The following PCDHGB6 variants were observed in gnomAD, a reference collection of about 807,000 sequenced individuals.
PCDHGB6 encodes protocadherin gamma-B6.
A neutral mutation model predicts 59.1 loss-of-function variants in PCDHGB6; 51 were observed. The ratio of observed to expected loss-of-function variants is 0.86; its 90% CI spans 0.69 to 1.09. PCDHGB6 has a LOEUF of 1.09. Among genes scored for constraint, PCDHGB6 ranks in the 50% least tolerant of loss-of-function variants. PCDHGB6 has a pLI of 0.00. For missense variants in PCDHGB6, 1,148 were observed against 1,205.1 expected, an observed-to-expected ratio of 0.95 and a Z score of 0.70; for synonymous variants, 466 against 495.1, an observed-to-expected ratio of 0.94 and a Z score of 0.78.
In PCDHGB6 at chr5:141,477,053, G is replaced by A; in HGVS notation, c.2419-17754G>A. On this transcript the variant is annotated intron_variant, in intron 1 of 3. Transcript: ENST00000520790. This position sits in a 1 kb window ranked among gnomAD's most constrained non-coding sequence, Gnocchi z 4.9. ...GACAATCAAGGGTCGGCTGGACTTC[G>A]AGGACACCAAACTCCATGAGATTTA... The A allele has an allele frequency of 1.9e-6, 3 of 1,614,230 alleles. No homozygotes were observed. The highest frequency in any genetic ancestry group is 2.5e-6 in the Non-Finnish European group (3 of 1,180,032).
Position 141,487,544 on chromosome 5 carries a change from C to A in PCDHGB6, c.2419-7263C>A. 1 of 1,614,190 alleles carries A rather than the reference C, an allele frequency of 6.2e-7. No homozygotes were observed. The highest frequency in any genetic ancestry group is 1.1e-5 in the South Asian group (1 of 91,088). On this transcript the variant is annotated intron_variant, in intron 1 of 3. Transcript: ENST00000520790. This position sits in a 1 kb window ranked among gnomAD's most constrained non-coding sequence, Gnocchi z 5.0. ...TGATAGCTTCATGATGGTGAAGTCA[C>A]CCAGTGCACCTATGGCAGGGGAGCC... is the stretch of plus-strand genomic sequence containing the variant.
chr5:141,490,736 A>G lies in PCDHGB6; in HGVS notation c.2419-4071A>G, dbSNP rs747567176. The G allele has an allele frequency of 5.0e-6, 8 of 1,614,084 alleles. No individual in the cohort carries two copies. Among genetic ancestry groups the G allele is most frequent in the Non-Finnish European group, 6.8e-6 (8 of 1,180,034 alleles). On this transcript the variant is annotated intron_variant, in intron 1 of 3. Transcript: ENST00000520790. This position sits in a 1 kb window ranked among gnomAD's most constrained non-coding sequence, Gnocchi z 5.4. The stretch of plus-strand genomic sequence containing the variant: ...TACTCCATTGTAGGAAATCAGGTTC[A>G]GGGAGCCCCAGCCTCCTCCTTTGTG...
Position 141,477,704 on chromosome 5 carries a change from C to T in PCDHGB6, c.2419-17103C>T, listed in dbSNP as rs772195653. 30 of 1,613,968 alleles carry T rather than the reference C, an allele frequency of 1.9e-5. No homozygotes were observed. Among genetic ancestry groups the T allele is most frequent in the Admixed American group, 6.7e-5 (4 of 60,026 alleles). On this transcript the variant is annotated intron_variant, in intron 1 of 3. Transcript: ENST00000520790. This position sits in a 1 kb window ranked among gnomAD's most constrained non-coding sequence, Gnocchi z 4.9. Reference sequence around the variant, plus strand: ...CTTAGTGCCCCTAGACTATGAGGATCGGCGGGAATTTGAATTAACAGCTCA... The same window carrying T: ...CTTAGTGCCCCTAGACTATGAGGATTGGCGGGAATTTGAATTAACAGCTCA...
chr5:141,509,864 A>G (rs2099878667), intron 3 of PCDHGB6, among the ~76,000 whole-genome samples: 1 of 152,262 alleles, frequency 6.6e-6, no homozygotes, highest in East Asian at 1.9e-4. Context: ...GATAAGGTCC[A>G]AGCTGCTGGT....
intron 1 of PCDHGB6, among the ~76,000 whole-genome samples, chr5:141,474,412 C>A (rs1282336092): frequency 6.6e-6 from 1 of 152,220 alleles, no homozygotes; most frequent in Non-Finnish European, 1.5e-5. Flanking sequence ...CCGGTGATGC[C>A]TAGACCATTG....
intron 1 of PCDHGB6, chr5:141,414,961 G>T: frequency 6.2e-7 from 1 of 1,614,028 alleles, no homozygotes; most frequent in South Asian, 1.1e-5. Flanking sequence ...GACCAAGGTG[G>T]TGGCGGTGGA....
At chr5:141,426,756 G>C in intron 1 of PCDHGB6, 1 of 456,302 alleles carries the variant, frequency 2.2e-6, no homozygotes, top group Non-Finnish European at 4.4e-6. Context: ...ATCTGCTATA[G>C]ATGCAGATGT....
In PCDHGB6 at chr5:141,476,883, A is replaced by G. The variant is rs1266909654; in HGVS notation, c.2419-17924A>G. ...TTGTACCGGGCGCGCGTCCTGGAGG[A>G]TGCACCCTCCGGCACGCGCGTGGTA... On this transcript the variant is annotated intron_variant, in intron 1 of 3. Coordinates refer to ENST00000520790, the MANE Select transcript of PCDHGB6 (RefSeq NM_018926.3). This position sits in a 1 kb window ranked among gnomAD's most constrained non-coding sequence, Gnocchi z 7.6. 1 of 1,613,916 alleles carries G rather than the reference A, an allele frequency of 6.2e-7. No individual in the cohort carries two copies. The highest frequency in any genetic ancestry group is 8.5e-7 in the Non-Finnish European group (1 of 1,180,026).
rs1472806327 is a variant in PCDHGB6 at position 141,447,891 on chromosome 5, G to C, written c.2418+37271G>C. Among the ~76,000 whole-genome samples the C allele has an allele frequency of 1.3e-5, 2 of 152,080 alleles. 1 individual carries two copies. Among genetic ancestry groups the C allele is most frequent in the African/African-American group, 4.8e-5 (2 of 41,408 alleles). On this transcript the variant is annotated intron_variant, in intron 1 of 3. Coordinates refer to ENST00000520790, the MANE Select transcript of PCDHGB6 (RefSeq NM_018926.3). Reference sequence around the variant, plus strand: ...ATCTGAGGTCAGGAGTTCGAGACCAGCCTGGCCAACATGGTGAAACTCTGT... The same window carrying C: ...ATCTGAGGTCAGGAGTTCGAGACCACCCTGGCCAACATGGTGAAACTCTGT...
chr5:141,430,255 T>TC (rs11167746), intron 1 of PCDHGB6, among the ~76,000 whole-genome samples: 81,857 of 151,872 alleles, frequency 0.54, 24,107 homozygotes, highest in African/African-American at 0.79. Flanking sequence ...GGGAGACATC[T>TC]CCATAATAGG....
At chr5:141,475,983 C>T in intron 1 of PCDHGB6, 2 of 1,049,240 alleles carry the variant, frequency 1.9e-6, no homozygotes, top group Non-Finnish European at 2.8e-6. Context: ...GAACAGCCGG[C>T]GAGCAAATCA....
chr5:141,419,032 A>G (rs1421513275), intron 1 of PCDHGB6: 2 of 1,614,004 alleles, frequency 1.2e-6, no homozygotes, highest in Non-Finnish European at 1.7e-6. Flanking sequence ...GAGGTGTTCC[A>G]TTTAAGATTC....
chr5:141,415,786 A>ATT, intron 1 of PCDHGB6: 2 of 1,374,914 alleles, frequency 1.5e-6, no homozygotes, highest in Non-Finnish European at 1.9e-6. Flanking sequence ...TTCTGGTAAA[A>ATT]TTCACCTAGT....
At chr5:141,422,280 C>A in intron 1 of PCDHGB6, 1 of 1,557,754 alleles carries the variant, frequency 6.4e-7, no homozygotes, top group Non-Finnish European at 8.6e-7. Context: ...TAACTATCAC[C>A]TCTTCTATTA....
intron 1 of PCDHGB6, among the ~76,000 whole-genome samples, chr5:141,436,517 G>A (rs1398225419): frequency 1.3e-5 from 2 of 152,130 alleles, no homozygotes; most frequent in African/African-American, 4.8e-5. Flanking sequence ...TGTTAACTGT[G>A]TCACCTTTAG....
chr5:141,490,837 G>A lies in PCDHGB6; in HGVS notation c.2419-3970G>A. On this transcript the variant is annotated intron_variant, in intron 1 of 3. Coordinates refer to ENST00000520790, the MANE Select transcript of PCDHGB6 (RefSeq NM_018926.3). This position sits in a 1 kb window ranked among gnomAD's most constrained non-coding sequence, Gnocchi z 5.4. ...TGAATTGCTGCAGATGCTGCAGATTGTGGTGGGGGTTCGAGACTCCGGCTC... is the reference window on the plus strand; with the variant it reads ...TGAATTGCTGCAGATGCTGCAGATTATGGTGGGGGTTCGAGACTCCGGCTC... The A allele has an allele frequency of 1.9e-6, 3 of 1,613,914 alleles. No homozygotes were observed. The highest frequency in any genetic ancestry group is 2.2e-5 in the South Asian group (2 of 91,072).
rs1304526612 is a variant in PCDHGB6, at chr5:141,408,780, A to G, written c.578A>G (p.Glu193Gly). Reference protein sequence around the residue: ...RVNSDGGKYPELSLEKLLDRE... With the variant: ...RVNSDGGKYPGLSLEKLLDRE... Reference sequence around the variant, plus strand: ...AATTCCGATGGTGGCAAATACCCAGAGTTATCTCTGGAGAAACTCCTAGAC... The same window carrying G: ...AATTCCGATGGTGGCAAATACCCAGGGTTATCTCTGGAGAAACTCCTAGAC... The change falls in exon 1 of 4, where the codon GAG (glutamate) becomes GGG (glycine). Residue 193 changes from glutamate (E) to glycine (G), a missense_variant. By Grantham distance (98) the Glu-to-Gly change is moderately conservative. This residue lies in a region of PCDHGB6 where 307 missense variants were observed against 323.8 expected (regional missense o/e 0.95). Transcript: ENST00000520790. 1 of 1,612,372 alleles carries G rather than the reference A, an allele frequency of 6.2e-7. No individual in the cohort carries two copies. The highest frequency in any genetic ancestry group is 8.5e-7 in the Non-Finnish European group (1 of 1,179,126).
chr5:141,492,632 C>G (rs1359761285), intron 1 of PCDHGB6, among the ~76,000 whole-genome samples: 1 of 152,256 alleles, frequency 6.6e-6, no homozygotes, highest in Non-Finnish European at 1.5e-5. Flanking sequence ...CAGGACTCTA[C>G]GATCCTTGGG....
chr5:141,490,796 A>G lies in PCDHGB6; in HGVS notation c.2419-4011A>G. ...CCAGAGGATGGACGGATCTTTGCCC[A>G]GCGTACCTTTGACTATGAATTGCTG... On this transcript the variant is annotated intron_variant, in intron 1 of 3. Coordinates refer to ENST00000520790, the MANE Select transcript of PCDHGB6 (RefSeq NM_018926.3). The surrounding 1 kb of genome is among the most constrained non-coding windows in gnomAD (Gnocchi z 5.4). The G allele has an allele frequency of 6.2e-7, 1 of 1,613,978 alleles. No individual in the cohort carries two copies. The highest frequency in any genetic ancestry group is 8.5e-7 in the Non-Finnish European group (1 of 1,179,904).
Sources: allele counts gnomAD v4.1 joint callset (sites outside exome capture counted in the v4.1 genomes callset), GRCh38; gene constraint gnomAD v4.1.1; regional missense constraint gnomAD v4.1.1; non-coding constraint Gnocchi (gnomAD v3.1); transcripts MANE v1.5; gene names NCBI Gene and HGNC (gene_info 2026-07-23, HGNC 2026-07-21).